Variants in RPSA2 observed in about 807,000 individuals in gnomAD.
RPSA2 encodes the protein small ribosomal subunit protein uS2B.
the RPSA2 span, chr19:23,843,374 T>A: frequency 6.5e-6 from 1 of 154,802 alleles, no homozygotes; most frequent in African/African-American, 2.4e-5. Context: ...TCTGCTTCAA[T>A]GGAAAGGTTC....
At chr19:23,870,408 A>C in the RPSA2 span, among the ~76,000 whole-genome samples, 1 of 96,254 alleles carries the variant, frequency 1.0e-5, no homozygotes, top group African/African-American at 3.7e-5. Flanking sequence ...ACTGTCATTC[A>C]CACTCATATT....
the RPSA2 span, among the ~76,000 whole-genome samples, chr19:23,767,372 C>G: frequency 6.6e-6 from 1 of 152,334 alleles, no homozygotes; most frequent in Admixed American, 6.5e-5. Context: ...AGCCACCACG[C>G]CTGGCCTCTC....
the RPSA2 span, among the ~76,000 whole-genome samples, chr19:23,834,043 A>G: frequency 2.6e-5 from 4 of 152,118 alleles, no homozygotes; most frequent in Admixed American, 2.6e-4. Flanking sequence ...AAGATGAAAG[A>G]TATTTAATCC....
the RPSA2 span, among the ~76,000 whole-genome samples, chr19:23,822,833 G>A: frequency 6.6e-6 from 1 of 152,116 alleles, no homozygotes; most frequent in Non-Finnish European, 1.5e-5. Flanking sequence ...CTCCTCCGGT[G>A]GTTCCTCCAA....
the RPSA2 span, among the ~76,000 whole-genome samples, chr19:23,856,201 T>A: frequency 1.3e-5 from 2 of 152,006 alleles, no homozygotes; most frequent in Non-Finnish European, 2.9e-5. Context: ...GGGATTGGTA[T>A]GTCATTAGGA....
chr19:23,848,502 TA>T, the RPSA2 span, among the ~76,000 whole-genome samples: 1 of 152,114 alleles, frequency 6.6e-6, no homozygotes, highest in African/African-American at 2.4e-5. Flanking sequence ...TGATCTAATG[TA>T]TAACTCCAGG....
the RPSA2 span, chr19:23,832,030 A>G: frequency 2.3e-6 from 1 of 436,746 alleles, no homozygotes; most frequent in Non-Finnish European, 4.6e-6. Context: ...TAATAAGAAA[A>G]TTCATACTGA....
chr19:23,844,114 C>T, the RPSA2 span, among the ~76,000 whole-genome samples: 2 of 152,178 alleles, frequency 1.3e-5, no homozygotes, highest in Non-Finnish European at 1.5e-5. Flanking sequence ...GATAGCTCAT[C>T]GTTGTTTTTG....
the RPSA2 span, among the ~76,000 whole-genome samples, chr19:23,851,661 T>C: frequency 9.8e-4 from 149 of 152,294 alleles, no homozygotes; most frequent in African/African-American, 3.2e-3. Flanking sequence ...ACTCTGCCTT[T>C]TGAGCAGTTG....
chr19:23,779,721 C>T, the RPSA2 span, among the ~76,000 whole-genome samples: 3 of 152,326 alleles, frequency 2.0e-5, no homozygotes, highest in East Asian at 5.8e-4. Flanking sequence ...GTCCTGTCCA[C>T]AGGGTTTCTT....
At chr19:23,845,704 G>A in the RPSA2 span, among the ~76,000 whole-genome samples, 1 of 152,202 alleles carries the variant, frequency 6.6e-6, no homozygotes, top group African/African-American at 2.4e-5. Flanking sequence ...TGTTGCTCAG[G>A]CCGTCTCAAA....
the RPSA2 span, among the ~76,000 whole-genome samples, chr19:23,800,082 G>T: frequency 6.8e-6 from 1 of 146,578 alleles, no homozygotes; most frequent in Non-Finnish European, 1.5e-5. Flanking sequence ...AGGCTGGAGT[G>T]CAGTGGTGTG....
the RPSA2 span, among the ~76,000 whole-genome samples, chr19:23,863,602 C>A: frequency 6.8e-6 from 1 of 146,192 alleles, no homozygotes; most frequent in South Asian, 2.2e-4. Flanking sequence ...TAGACAGATT[C>A]ATTTGTAATA....
chr19:23,843,211 C>T, the RPSA2 span: 1 of 257,978 alleles, frequency 3.9e-6, no homozygotes. Flanking sequence ...ATCTGATCTC[C>T]TGCCTTGAGC....
At chr19:23,868,525 G>A in the RPSA2 span, among the ~76,000 whole-genome samples, 1 of 152,026 alleles carries the variant, frequency 6.6e-6, no homozygotes. Flanking sequence ...AAAAAAGGGT[G>A]ATTGGACACC....
At chr19:23,766,146 T>C in the RPSA2 span, among the ~76,000 whole-genome samples, 1 of 94,150 alleles carries the variant, frequency 1.1e-5, no homozygotes, top group African/African-American at 4.2e-5. Context: ...TCATTTCCTT[T>C]TTTTTTTTTT....
chr19:23,768,266 A>G, the RPSA2 span, among the ~76,000 whole-genome samples: 5 of 152,134 alleles, frequency 3.3e-5, no homozygotes, highest in Non-Finnish European at 5.9e-5. Context: ...GAGAAGAGAA[A>G]TAGGAAAAAT....
At chr19:23,830,063 T>TA in the RPSA2 span, among the ~76,000 whole-genome samples, 143 of 151,950 alleles carry the variant, frequency 9.4e-4, no homozygotes, top group African/African-American at 3.3e-3. Context: ...TTTTTTTTTT[T>TA]ATTTGGCAGG....
chr19:23,855,323 C>A, the RPSA2 span, among the ~76,000 whole-genome samples: 2 of 152,150 alleles, frequency 1.3e-5, no homozygotes, highest in Non-Finnish European at 2.9e-5. Flanking sequence ...CAAAATGTCC[C>A]AGTCTAAAGG....
Sources: allele counts gnomAD v4.1 joint callset (sites outside exome capture counted in the v4.1 genomes callset), GRCh38; gene constraint gnomAD v4.1.1; transcripts MANE v1.5; gene names NCBI Gene and HGNC (gene_info 2026-07-23, HGNC 2026-07-21).